Variants in PALM2AKAP2 observed in about 807,000 individuals in gnomAD.
The protein encoded by PALM2AKAP2 is PALM2 and AKAP2 fusion.
A neutral mutation model predicts 71.5 loss-of-function variants in PALM2AKAP2; 37 were observed. The observed-to-expected ratio is 0.52, with a 90% CI of 0.40 to 0.68. PALM2AKAP2 has a LOEUF of 0.68. Ranked by LOEUF, PALM2AKAP2 falls within the 30% of genes least tolerant of loss-of-function variation. The pLI, the probability that PALM2AKAP2 is intolerant of heterozygous loss-of-function variation, is 0.00. For missense variants in PALM2AKAP2, 1,224 were observed against 1,191.8 expected (o/e 1.03, Z -0.40); for synonymous variants, 468 against 478.8 (o/e 0.98, Z 0.29).
intron 6 of PALM2AKAP2, among the ~76,000 whole-genome samples, chr9:109,940,262 C>A (rs1831328076): frequency 6.6e-6 from 1 of 152,072 alleles, no homozygotes; most frequent in Non-Finnish European, 1.5e-5. Context: ...GAAACATTCC[C>A]ACAGATAATT....
chr9:109,842,487 C>T (rs1828724444), intron 1 of PALM2AKAP2, among the ~76,000 whole-genome samples: 1 of 152,174 alleles, frequency 6.6e-6, no homozygotes, highest in Non-Finnish European at 1.5e-5. Context: ...CATTATCCAG[C>T]TTAAACTCAA....
chr9:109,681,339 A>G (rs1300971238), intron 1 of PALM2AKAP2, among the ~76,000 whole-genome samples: 1 of 152,234 alleles, frequency 6.6e-6, no homozygotes, highest in East Asian at 1.9e-4. Context: ...GTTATTTATT[A>G]TAAGTCAGAG....
intron 1 of PALM2AKAP2, among the ~76,000 whole-genome samples, chr9:109,674,059 G>C (rs1378647960): frequency 2.0e-5 from 3 of 151,646 alleles, no homozygotes; most frequent in African/African-American, 7.3e-5. Flanking sequence ...AATTTCTTTT[G>C]ACCTGTGTTT....
At chr9:110,051,925 T>G in intron 1 of PALM2AKAP2, among the ~76,000 whole-genome samples, 1 of 151,194 alleles carries the variant, frequency 6.6e-6, no homozygotes, top group African/African-American at 2.4e-5. Context: ...TTTTTTGAAA[T>G]GGAGTCTTTC....
At chr9:109,682,362 A>G (rs1300998616) in intron 1 of PALM2AKAP2, among the ~76,000 whole-genome samples, 1 of 152,182 alleles carries the variant, frequency 6.6e-6, no homozygotes, top group Non-Finnish European at 1.5e-5. Flanking sequence ...CTTGTACATA[A>G]TGCACTAGGT....
At chr9:109,823,900 A>AT (rs1397333439) in intron 1 of PALM2AKAP2, among the ~76,000 whole-genome samples, 1 of 152,058 alleles carries the variant, frequency 6.6e-6, no homozygotes, top group East Asian at 1.9e-4. Flanking sequence ...ACCACACTTT[A>AT]TTTTTTTAGA....
chr9:110,049,091 C>T (rs1833658746), intron 1 of PALM2AKAP2, among the ~76,000 whole-genome samples: 1 of 152,190 alleles, frequency 6.6e-6, no homozygotes, highest in African/African-American at 2.4e-5. Flanking sequence ...GAGGGCCAAG[C>T]CTTTGGCTGC....
intron 1 of PALM2AKAP2, among the ~76,000 whole-genome samples, chr9:109,808,709 G>C (rs540660338): frequency 1.3e-5 from 2 of 152,318 alleles, no homozygotes; most frequent in South Asian, 4.1e-4. Flanking sequence ...CAAAACAATG[G>C]GGAAAATATC....
intron 1 of PALM2AKAP2, among the ~76,000 whole-genome samples, chr9:109,752,253 G>A (rs1458631763): frequency 6.6e-6 from 1 of 152,148 alleles, no homozygotes; most frequent in Non-Finnish European, 1.5e-5. Flanking sequence ...TAGAATGCAA[G>A]AAGACTTCTG....
rs117604968 is a variant in PALM2AKAP2, at chr9:109,683,513, A to G, written c.5+42647A>G. On this transcript the variant is annotated intron_variant, in intron 1 of 6. Transcript: ENST00000374531. ...GAATAGATTCTTCCTCATAACCTCC[A>G]AAAGGACCAAACCTGCTGACACCCA... Among the ~76,000 whole-genome samples, 390 of 152,320 alleles carry G rather than the reference A, an allele frequency of 2.6e-3. 5 individuals are homozygous for G. The East Asian group carries it at 0.043, about 17-fold the overall frequency.
intron 1 of PALM2AKAP2, among the ~76,000 whole-genome samples, chr9:109,714,274 A>C (rs777715653): frequency 2.0e-5 from 3 of 152,148 alleles, no homozygotes; most frequent in Non-Finnish European, 4.4e-5. Flanking sequence ...CCTTAGGTTC[A>C]TTACGAAATC....
intron 1 of PALM2AKAP2, among the ~76,000 whole-genome samples, chr9:109,855,907 G>T (rs2769142): frequency 0.14 from 20,834 of 152,108 alleles, 1,806 homozygotes; most frequent in East Asian, 0.24. Flanking sequence ...AACCTGAAAA[G>T]ATAGAGTAAT....
chr9:110,098,606 G>A (rs1191835862), intron 1 of PALM2AKAP2, among the ~76,000 whole-genome samples: 1 of 152,060 alleles, frequency 6.6e-6, no homozygotes, highest in African/African-American at 2.4e-5. Flanking sequence ...CAAGGTGAGT[G>A]AATGGCAGAG....
At chr9:109,822,808 G>A (rs1828045152) in intron 1 of PALM2AKAP2, among the ~76,000 whole-genome samples, 1 of 152,164 alleles carries the variant, frequency 6.6e-6, no homozygotes, top group Non-Finnish European at 1.5e-5. Flanking sequence ...TTGCTGTTGT[G>A]AACAGTGCTG....
chr9:109,838,218 G>A (rs1159954332), intron 1 of PALM2AKAP2, among the ~76,000 whole-genome samples: 1 of 152,188 alleles, frequency 6.6e-6, no homozygotes, highest in Non-Finnish European at 1.5e-5. Flanking sequence ...TCAAGATTAA[G>A]AAACTCACTC....
intron 2 of PALM2AKAP2, among the ~76,000 whole-genome samples, chr9:110,151,332 T>A (rs1426092505): frequency 6.6e-6 from 1 of 152,222 alleles, no homozygotes; most frequent in East Asian, 1.9e-4. Flanking sequence ...ATTACAGGCA[T>A]GAGCCTCTGC....
chr9:109,725,493 T>C (rs931320923), intron 1 of PALM2AKAP2, among the ~76,000 whole-genome samples: 5 of 152,190 alleles, frequency 3.3e-5, no homozygotes, highest in African/African-American at 9.6e-5. Flanking sequence ...AGCAATTCTT[T>C]TTCTAGGAAT....
At chr9:109,851,203 CAACAACAAAAAAA>C (rs1428613906) in intron 1 of PALM2AKAP2, among the ~76,000 whole-genome samples, 3 of 46,926 alleles carry the variant, frequency 6.4e-5, no homozygotes, top group East Asian at 1.4e-3. Flanking sequence ...ACAACAACAA[CAACAACAAAAAAA>C]AAAAAACACT....
intron 1 of PALM2AKAP2, among the ~76,000 whole-genome samples, chr9:109,743,131 A>G (rs1828740812): frequency 6.6e-6 from 1 of 152,064 alleles, no homozygotes; most frequent in Non-Finnish European, 1.5e-5. Flanking sequence ...TTCTTTCTCT[A>G]TTCACCCAAC....
Sources: gnomAD v4.1 joint callset for allele counts (sites outside exome capture counted in the v4.1 genomes callset) on GRCh38, gnomAD v4.1.1 for gene constraint, MANE v1.5 for transcripts, NCBI Gene and HGNC (gene_info 2026-07-23, HGNC 2026-07-21) for gene names.